GALNT13: variants seen among roughly 807,000 people sequenced by gnomAD.
GALNT13 encodes polypeptide N-acetylgalactosaminyltransferase 13, also known as UDP-GalNAc:polypeptide N-acetylgalactosaminyltransferase 13.
GALNT13 carries 28 observed loss-of-function variants against 64.2 expected under a neutral mutation model. That is an observed-to-expected ratio of 0.44 (90% CI 0.32 to 0.60). GALNT13 has a LOEUF of 0.60. Ranked by LOEUF, GALNT13 falls within the 20% of genes least tolerant of loss-of-function variation. The probability of loss-of-function intolerance (pLI) is 0.05; values close to 1 mark genes in which losing one functional copy is unlikely to be tolerated. For missense variants in GALNT13, 577 were observed against 669.8 expected, an observed-to-expected ratio of 0.86 and a Z score of 1.53; for synonymous variants, 214 against 224.6, an observed-to-expected ratio of 0.95 and a Z score of 0.42.
the GALNT13 span, among the ~76,000 whole-genome samples, chr2:153,849,323 G>GT: frequency 2.0e-5 from 3 of 152,210 alleles, no homozygotes; most frequent in African/African-American, 7.2e-5. Flanking sequence ...GAAATACCTA[G>GT]TTTTCCCTTA....
chr2:153,116,328 A>G, the GALNT13 span, among the ~76,000 whole-genome samples: 1 of 152,118 alleles, frequency 6.6e-6, no homozygotes, highest in Non-Finnish European at 1.5e-5. Context: ...AATGAGACTG[A>G]TTTTTTTCTT....
the GALNT13 span, among the ~76,000 whole-genome samples, chr2:153,250,103 C>A: frequency 6.6e-6 from 1 of 152,102 alleles, no homozygotes; most frequent in Non-Finnish European, 1.5e-5. Flanking sequence ...AACAGACAAC[C>A]CACAGAATGG....
At chr2:154,037,309 G>A (rs1698716293) in intron 3 of GALNT13, among the ~76,000 whole-genome samples, 1 of 152,040 alleles carries the variant, frequency 6.6e-6, no homozygotes, top group Admixed American at 6.6e-5. Context: ...TATTGCCCAT[G>A]GTAGTACAAT....
chr2:153,254,508 T>G, the GALNT13 span, among the ~76,000 whole-genome samples: 1 of 152,212 alleles, frequency 6.6e-6, no homozygotes, highest in South Asian at 2.1e-4. Context: ...TGCCTTCTGC[T>G]AGCTTTTGAA....
the GALNT13 span, among the ~76,000 whole-genome samples, chr2:153,199,191 T>C: frequency 1.3e-5 from 2 of 152,352 alleles, no homozygotes; most frequent in African/African-American, 4.8e-5. Flanking sequence ...TGCTGGCTCA[T>C]GAAGTATGTC....
the GALNT13 span, among the ~76,000 whole-genome samples, chr2:153,171,402 T>A: frequency 6.6e-6 from 1 of 152,132 alleles, no homozygotes; most frequent in African/African-American, 2.4e-5. Flanking sequence ...ATTAAACTAA[T>A]TAACATTAAA....
the GALNT13 span, among the ~76,000 whole-genome samples, chr2:153,095,693 A>T: frequency 6.6e-6 from 1 of 152,288 alleles, no homozygotes; most frequent in African/African-American, 2.4e-5. Context: ...TACACCATGG[A>T]ATACTATGCA....
chr2:153,569,891 A>T, the GALNT13 span, among the ~76,000 whole-genome samples: 1 of 152,082 alleles, frequency 6.6e-6, no homozygotes, highest in Non-Finnish European at 1.5e-5. Flanking sequence ...CTCTATGTCC[A>T]TGAGGTCAAT....
chr2:153,639,815 CTG>C, the GALNT13 span, among the ~76,000 whole-genome samples: 6 of 152,106 alleles, frequency 3.9e-5, no homozygotes, highest in Non-Finnish European at 8.8e-5. Context: ...CTGGGTACAA[CTG>C]TGAAAATGTT....
chr2:154,443,405 G>C (rs1472572555), intron 12 of GALNT13, among the ~76,000 whole-genome samples: 35 of 151,894 alleles, frequency 2.3e-4, no homozygotes, highest in Admixed American at 2.3e-3. Context: ...GTTATTCTAT[G>C]CTTGATTAAC....
chr2:153,369,059 A>T, the GALNT13 span, among the ~76,000 whole-genome samples: 3 of 152,152 alleles, frequency 2.0e-5, no homozygotes, highest in Non-Finnish European at 4.4e-5. Context: ...TAAGTATCAT[A>T]CTTCTAAAAA....
the GALNT13 span, among the ~76,000 whole-genome samples, chr2:153,311,596 G>A: frequency 6.6e-6 from 1 of 152,166 alleles, no homozygotes; most frequent in African/African-American, 2.4e-5. Flanking sequence ...GAGGATCCAC[G>A]ACCGTGCCTC....
At chr2:153,252,946 G>T in the GALNT13 span, among the ~76,000 whole-genome samples, 1 of 151,772 alleles carries the variant, frequency 6.6e-6, no homozygotes. Flanking sequence ...TTGACTTGGC[G>T]ATGCAGGCTC....
At chr2:154,121,602 A>G (rs376036096) in intron 3 of GALNT13, among the ~76,000 whole-genome samples, 1 of 152,128 alleles carries the variant, frequency 6.6e-6, no homozygotes, top group African/African-American at 2.4e-5. Flanking sequence ...TTAAATATTA[A>G]GAGTACATTT....
At chr2:153,725,894 T>C in the GALNT13 span, among the ~76,000 whole-genome samples, 1 of 151,758 alleles carries the variant, frequency 6.6e-6, no homozygotes, top group Non-Finnish European at 1.5e-5. Context: ...TGTGTGTGTA[T>C]ACAGTTATCT....
the GALNT13 span, among the ~76,000 whole-genome samples, chr2:153,669,620 G>C: frequency 6.6e-6 from 1 of 152,288 alleles, no homozygotes; most frequent in Admixed American, 6.5e-5. Context: ...TGATGCAAAA[G>C]ACAGGTGATT....
intron 11 of GALNT13, among the ~76,000 whole-genome samples, chr2:154,414,805 G>T (rs924183201): frequency 4.8e-4 from 72 of 151,558 alleles, no homozygotes; most frequent in African/African-American, 1.7e-3. Context: ...TTTATATACA[G>T]ACTTTTCAAG....
chr2:153,695,539 T>A, the GALNT13 span, among the ~76,000 whole-genome samples: 1 of 152,286 alleles, frequency 6.6e-6, no homozygotes, highest in East Asian at 1.9e-4. Flanking sequence ...GCGGAATTGA[T>A]GGATGAAAGG....
At chr2:153,616,946 A>G in the GALNT13 span, among the ~76,000 whole-genome samples, 2 of 152,094 alleles carry the variant, frequency 1.3e-5, no homozygotes, top group East Asian at 3.9e-4. Context: ...CCAGATATAT[A>G]AAGCAAATAT....
Sources: allele counts gnomAD v4.1 joint callset (sites outside exome capture counted in the v4.1 genomes callset), GRCh38; gene constraint gnomAD v4.1.1; transcripts MANE v1.5; gene names NCBI Gene and HGNC (gene_info 2026-07-23, HGNC 2026-07-21).